Variants in VEPH1 observed in about 807,000 individuals in gnomAD.
VEPH1 encodes ventricular zone-expressed PH domain-containing protein homolog 1.
VEPH1 carries 80 observed loss-of-function variants against 85.2 expected under a neutral mutation model. The ratio of observed to expected loss-of-function variants is 0.94; its 90% confidence interval spans 0.78 to 1.13. The LOEUF (loss-of-function observed/expected upper bound fraction) is 1.13. Among genes scored for constraint, VEPH1 ranks in the 50% most tolerant of loss-of-function variants. The pLI is 0.00. For missense variants in VEPH1, 955 were observed against 980.5 expected (o/e 0.97, Z 0.35); for synonymous variants, 297 against 348.0 (o/e 0.85, Z 1.63).
rs1315993157 is a variant in VEPH1 at position 157,462,681 on chromosome 3, T to C, written c.355-2326A>G. On this transcript the variant is annotated intron_variant, in intron 3 of 13. Coordinates refer to ENST00000362010, the MANE Select transcript of VEPH1 (RefSeq NM_001167912.2). ...TGAAGTCACAGAAAATAACATTCTA[T>C]GATTTTTCTCTGATCTTCATATCAT... Among the ~76,000 whole-genome samples the C allele has an allele frequency of 3.3e-5, 5 of 152,228 alleles. No homozygotes were observed. In the East Asian group the frequency reaches 7.7e-4, roughly 23 times the overall value.
chr3:157,275,722 G>C (rs986555156), intron 12 of VEPH1, among the ~76,000 whole-genome samples: 2 of 152,084 alleles, frequency 1.3e-5, no homozygotes. Flanking sequence ...AAAAAGTATA[G>C]TATGTCATTT....
chr3:157,272,232 T>C (rs1577201953), intron 12 of VEPH1, among the ~76,000 whole-genome samples: 1 of 132,476 alleles, frequency 7.5e-6, no homozygotes, highest in East Asian at 2.3e-4. Context: ...GGTGTTTGTC[T>C]CTTTTCTTCT....
intron 6 of VEPH1, chr3:157,409,927 A>C: frequency 1.0e-6 from 1 of 985,362 alleles, no homozygotes; most frequent in Non-Finnish European, 1.2e-6. Flanking sequence ...CAGAAAACAA[A>C]GGAGGTATGC....
chr3:157,266,718 T>C (rs1349733166), intron 12 of VEPH1, among the ~76,000 whole-genome samples: 4 of 152,234 alleles, frequency 2.6e-5, no homozygotes, highest in Admixed American at 2.0e-4. Context: ...TGTCAGAGTT[T>C]AGACGCTGAA....
At chr3:157,375,640 G>T (rs1323624149) in intron 7 of VEPH1, among the ~76,000 whole-genome samples, 1 of 152,136 alleles carries the variant, frequency 6.6e-6, no homozygotes, top group African/African-American at 2.4e-5. Context: ...TTTGAATATA[G>T]TTGAGTTACC....
chr3:157,285,226 TA>T (rs1256332004), intron 12 of VEPH1: 1 of 152,246 alleles, frequency 6.6e-6, no homozygotes, highest in Non-Finnish European at 1.5e-5. Flanking sequence ...AATTAACTTT[TA>T]AAAAATTGGG....
chr3:157,273,912 A>G (rs1257803625), intron 12 of VEPH1, among the ~76,000 whole-genome samples: 3 of 152,210 alleles, frequency 2.0e-5, no homozygotes, highest in Non-Finnish European at 4.4e-5. Flanking sequence ...ATTATAATAG[A>G]TCACATGAGA....
At chr3:157,492,951 C>CTG (rs1739347783) in intron 2 of VEPH1, among the ~76,000 whole-genome samples, 1 of 152,076 alleles carries the variant, frequency 6.6e-6, no homozygotes, top group Non-Finnish European at 1.5e-5. Context: ...GGGGCACCGT[C>CTG]CTCATGATAA....
At chr3:157,293,778 ATGTT>A (rs1478794637) in intron 11 of VEPH1, among the ~76,000 whole-genome samples, 1 of 152,252 alleles carries the variant, frequency 6.6e-6, no homozygotes, top group Non-Finnish European at 1.5e-5. Context: ...AGTTTTATAA[ATGTT>A]TGATAAAACC....
Position 157,485,627 on chromosome 3 carries a change from C to T in VEPH1, c.138+9585G>A, listed in dbSNP as rs563688669. 9.3e-4 allele frequency among the ~76,000 whole-genome samples: 141 copies of T among 151,784 alleles called. 1 individual carries two copies. Among genetic ancestry groups the T allele is most frequent in the African/African-American group, 3.2e-3 (134 of 41,446 alleles). On this transcript the variant is annotated intron_variant, in intron 2 of 13. Transcript: ENST00000362010. ...ATAAACATGGAAAAGTCAGAAAATA[C>T]AACACAAATAAAATGAAGAAATACA...
chr3:157,466,025 C>G (rs1219174241), intron 3 of VEPH1, among the ~76,000 whole-genome samples: 1 of 152,188 alleles, frequency 6.6e-6, no homozygotes, highest in Non-Finnish European at 1.5e-5. Flanking sequence ...GGCTGCCAGG[C>G]TTCATGATGG....
At chr3:157,266,560 G>GT (rs1341905140) in intron 12 of VEPH1, among the ~76,000 whole-genome samples, 6 of 152,270 alleles carry the variant, frequency 3.9e-5, no homozygotes, top group Non-Finnish European at 7.4e-5. Context: ...TCTTTGCTTT[G>GT]TTCTCTGTTG....
At chr3:157,319,127 C>T (rs981065062) in intron 9 of VEPH1, among the ~76,000 whole-genome samples, 10 of 152,022 alleles carry the variant, frequency 6.6e-5, no homozygotes, top group African/African-American at 1.2e-4. Context: ...TGTGACAGGG[C>T]AAGTTAGAGA....
At chr3:157,485,492 T>A (rs1738536228) in intron 2 of VEPH1, among the ~76,000 whole-genome samples, 1 of 152,102 alleles carries the variant, frequency 6.6e-6, no homozygotes. Context: ...GCAACTATAT[T>A]AAAATAATAG....
At chr3:157,465,795 AT>A (rs1340283753) in intron 3 of VEPH1, among the ~76,000 whole-genome samples, 1 of 152,158 alleles carries the variant, frequency 6.6e-6, no homozygotes, top group Non-Finnish European at 1.5e-5. Flanking sequence ...ACACTTTCTG[AT>A]TTTCCAGCAG....
Position 157,470,306 on chromosome 3 carries a change from TG to T in VEPH1, c.354+7del. 6.2e-7 allele frequency: 1 copy of T among 1,613,958 alleles called. No homozygotes were observed. The highest frequency in any genetic ancestry group is 1.1e-5 in the South Asian group (1 of 91,068). ...TATCAAATAGCCTGATGTTGAACAC[TG>T]ACATACCTGTAAAATGCAACTCATG... is the stretch of plus-strand genomic sequence containing the variant. On this transcript the variant is annotated splice_region_variant and intron_variant, in intron 3 of 13. Transcript: ENST00000362010.
chr3:157,460,136 A>T (rs771420085), intron 4 of VEPH1, 45 bp downstream of exon 4: 56 of 1,613,974 alleles, frequency 3.5e-5, no homozygotes, highest in Non-Finnish European at 4.7e-5. Context: ...AATACTTTTA[A>T]ATATCTCCCA....
At chr3:157,286,726 T>C in intron 11 of VEPH1, 52 bp from the exon 12 acceptor site, 1 of 1,437,670 alleles carries the variant, frequency 7.0e-7, no homozygotes, top group South Asian at 1.1e-5. Context: ...GCCTGCTACC[T>C]AACATTCTGA....
At chr3:157,502,633 C>A (rs1251177533) in intron 1 of VEPH1, among the ~76,000 whole-genome samples, 1 of 152,026 alleles carries the variant, frequency 6.6e-6, no homozygotes, top group Admixed American at 6.5e-5. Context: ...ATGACCAACT[C>A]AAATATTTCT....
Sources: gnomAD v4.1 joint callset for allele counts (sites outside exome capture counted in the v4.1 genomes callset) on GRCh38, gnomAD v4.1.1 for gene constraint, MANE v1.5 for transcripts, NCBI Gene and HGNC (gene_info 2026-07-23, HGNC 2026-07-21) for gene names.